Variants in RUVBL2 observed in about 807,000 individuals in gnomAD.
The protein encoded by RUVBL2 is RuvB like AAA ATPase 2.
A neutral mutation model predicts 57.9 loss-of-function variants in RUVBL2; 9 were observed. That is an observed-to-expected ratio of 0.16 (90% CI 0.09 to 0.27). The LOEUF (loss-of-function observed/expected upper bound fraction) is 0.27. Ranked by LOEUF, RUVBL2 falls within the 10% of genes least tolerant of loss-of-function variation. The probability of loss-of-function intolerance (pLI) is 1.00; values close to 1 mark genes in which losing one functional copy is unlikely to be tolerated. For synonymous variants in RUVBL2, 278 were observed against 264.6 expected (o/e 1.05, Z -0.49); for missense variants, 456 against 669.6 (o/e 0.68, Z 3.52).
At chr19:49,003,372 T>G in intron 3 of RUVBL2, 38 bp downstream of exon 3, 1 of 1,602,062 alleles carries the variant, frequency 6.2e-7, no homozygotes, top group Non-Finnish European at 8.5e-7. Flanking sequence ...GGCCTCTCCA[T>G]GAAGGTCTTG....
At chr19:49,001,182 G>A (rs1399056112) in intron 2 of RUVBL2, among the ~76,000 whole-genome samples, 1 of 146,628 alleles carries the variant, frequency 6.8e-6, no homozygotes, top group Non-Finnish European at 1.5e-5. Context: ...TTTTTTTGGA[G>A]ACGGAGTCTC....
chr19:49,007,901 G>T lies in RUVBL2; in HGVS notation c.462+533G>T, dbSNP rs897268625. Among the ~76,000 whole-genome samples, 4 of 151,800 alleles carry T rather than the reference G, an allele frequency of 2.6e-5. No homozygotes were observed. In the South Asian group the frequency reaches 8.3e-4, roughly 32 times the overall value. ...TTTTTGTACTTTCAGTAGAGACGGGGTTTCACCATGTTGGCCAGGCTGGTC... is the reference window on the plus strand; with the variant it reads ...TTTTTGTACTTTCAGTAGAGACGGGTTTTCACCATGTTGGCCAGGCTGGTC... On this transcript the variant is annotated intron_variant, in intron 6 of 14. Coordinates refer to ENST00000595090, the MANE Select transcript of RUVBL2 (RefSeq NM_006666.3).
intron 1 of RUVBL2, among the ~76,000 whole-genome samples, chr19:48,995,324 C>T (rs189948551): frequency 3.9e-4 from 59 of 150,884 alleles, no homozygotes; most frequent in African/African-American, 1.4e-3. Context: ...TTCCTGGATT[C>T]ATGTCTTTTT....
chr19:49,011,823 C>T lies in RUVBL2; in HGVS notation c.1001+513C>T, dbSNP rs1350573220. Among the ~76,000 whole-genome samples the T allele has an allele frequency of 1.7e-5, 2 of 115,938 alleles. No homozygotes were observed. Among genetic ancestry groups the T allele is most frequent in the African/African-American group, 2.6e-5 (1 of 38,118 alleles). The allele number at this position is 115,938 out of a possible 152,430, so 76.1% of individuals were successfully genotyped here. A position where few individuals can be genotyped will look rare whatever the true frequency, so the allele number is the denominator to read the frequency against. ...CCAGGTGTTGCCAGCACCCTGTGCA[C>T]GGGGAACTCTTAATGTTGTGTTTGG... On this transcript the variant is annotated intron_variant, in intron 11 of 14. Coordinates refer to ENST00000595090, the MANE Select transcript of RUVBL2 (RefSeq NM_006666.3). The surrounding 1 kb of genome is among the most constrained non-coding windows in gnomAD (Gnocchi z 4.4).
intron 11 of RUVBL2, among the ~76,000 whole-genome samples, chr19:49,012,843 C>CCCCACA (rs146032469): frequency 9.2e-5 from 13 of 141,804 alleles, no homozygotes; most frequent in African/African-American, 2.9e-4. Flanking sequence ...TCAGTGCCCA[C>CCCCACA]CACACACACA....
At chr19:48,994,485 G>C (rs942753714) in intron 1 of RUVBL2, 1 of 155,114 alleles carries the variant, frequency 6.4e-6, no homozygotes, top group Non-Finnish European at 1.4e-5. Flanking sequence ...CTACCGTTTT[G>C]GCCATTTTCA....
chr19:49,004,466 C>T, intron 4 of RUVBL2, 48 bp downstream of exon 4: 1 of 1,561,702 alleles, frequency 6.4e-7, no homozygotes, highest in Non-Finnish European at 8.7e-7. Flanking sequence ...TGCTAAATAA[C>T]TCCTCCTGTG....
intron 1 of RUVBL2, chr19:48,994,569 A>G (rs1438997845): frequency 6.6e-6 from 1 of 152,546 alleles, no homozygotes; most frequent in Non-Finnish European, 1.5e-5. Flanking sequence ...ATTTGAATGA[A>G]TGAATACATG....
intron 8 of RUVBL2, 197 bp from the exon 9 acceptor site, chr19:49,010,291 C>T (rs893493186): frequency 1.3e-5 from 9 of 679,070 alleles, no homozygotes; most frequent in African/African-American, 7.2e-5. Flanking sequence ...CCTCCGGGAG[C>T]CCCCGTGACC....
chr19:49,006,375 C>T (rs924650329), intron 4 of RUVBL2, among the ~76,000 whole-genome samples: 4 of 152,242 alleles, frequency 2.6e-5, no homozygotes, highest in South Asian at 2.1e-4. Context: ...AGGCCACCGG[C>T]GGTAGAGCGT....
chr19:48,999,026 CAAAAAA>C (rs369612985), intron 1 of RUVBL2, among the ~76,000 whole-genome samples: 3 of 128,540 alleles, frequency 2.3e-5, no homozygotes, highest in African/African-American at 8.6e-5. Context: ...GACTTCATCT[CAAAAAA>C]AAAAAAAGAA....
At position 49,006,790 on chromosome 19, in the gene RUVBL2, G is replaced by A. The variant is rs1016876039; in HGVS notation, c.266-228G>A. Among the ~76,000 whole-genome samples, 6 of 152,384 alleles carry A rather than the reference G, an allele frequency of 3.9e-5. No individual in the cohort carries two copies. The East Asian group carries it at 7.7e-4, about 20-fold the overall frequency. Reference sequence around the variant, plus strand: ...GTGGGATTCTAAGCCAGGCCTGCCGGAGCAACCTGCCCTGCCTGGCTTCTC... The same window carrying A: ...GTGGGATTCTAAGCCAGGCCTGCCGAAGCAACCTGCCCTGCCTGGCTTCTC... On this transcript the variant is annotated intron_variant, in intron 4 of 14. Transcript: ENST00000595090.
Position 49,003,433 on chromosome 19 carries a change from TC to T in RUVBL2, c.123+100del. 3 of 1,102,954 alleles carry T rather than the reference TC, an allele frequency of 2.7e-6. No homozygotes were observed. In the South Asian group the frequency reaches 4.2e-5, roughly 15 times the overall value. The allele number at this position is 1,102,954 out of a possible 1,614,324, so 68.3% of individuals were successfully genotyped here. ...GAGTGTGGGGACTATGTTACGGTCT[TC>T]TGGACCTTTGGCTACATACCCATAA... On this transcript the variant is annotated intron_variant, in intron 3 of 14. Coordinates refer to ENST00000595090, the MANE Select transcript of RUVBL2 (RefSeq NM_006666.3).
intron 9 of RUVBL2, 37 bp downstream of exon 9, chr19:49,010,648 C>T (rs754699201): frequency 1.4e-5 from 23 of 1,610,456 alleles, no homozygotes; most frequent in East Asian, 6.7e-5. Context: ...CCTGCCCTGC[C>T]CCAGGCCTAG....
intron 1 of RUVBL2, among the ~76,000 whole-genome samples, chr19:48,995,415 G>C (rs1286460634): frequency 6.6e-6 from 1 of 150,942 alleles, no homozygotes; most frequent in African/African-American, 2.4e-5. Flanking sequence ...TCCTATAGGA[G>C]ACGGTAGGTG....
chr19:49,003,446 C>A, intron 3 of RUVBL2, 112 bp downstream of exon 3: 2 of 932,838 alleles, frequency 2.1e-6, no homozygotes, highest in South Asian at 1.5e-5. Flanking sequence ...GGACCTTTGG[C>A]TACATACCCA....
At chr19:49,006,853 G>T (rs546903061) in intron 4 of RUVBL2, among the ~76,000 whole-genome samples, 165 bp from the exon 5 acceptor site, 1 of 152,362 alleles carries the variant, frequency 6.6e-6, no homozygotes, top group South Asian at 2.1e-4. Flanking sequence ...CCGCTCTCCA[G>T]TTCCCCCTCC....
intron 5 of RUVBL2, 64 bp downstream of exon 5, chr19:49,007,211 C>A (rs965970277): frequency 3.7e-6 from 6 of 1,607,608 alleles, no homozygotes; most frequent in Non-Finnish European, 5.1e-6. Flanking sequence ...GCACCCCGGG[C>A]GGCTCGTCCT....
chr19:49,003,852 C>T (rs1288003078), intron 3 of RUVBL2, among the ~76,000 whole-genome samples: 5 of 151,174 alleles, frequency 3.3e-5, no homozygotes, highest in African/African-American at 1.2e-4. Context: ...CAATGGCTCA[C>T]ACTTGTAATC....
Sources: gnomAD v4.1 joint callset for allele counts (sites outside exome capture counted in the v4.1 genomes callset) on GRCh38, gnomAD v4.1.1 for gene constraint, Gnocchi (gnomAD v3.1) non-coding constraint, MANE v1.5 for transcripts, NCBI Gene and HGNC (gene_info 2026-07-23, HGNC 2026-07-21) for gene names.